The following AXDND1 variants were observed in gnomAD, a reference collection of about 807,000 sequenced individuals.
AXDND1 encodes the protein axonemal dynein light chain domain containing 1.
Under a neutral mutation model 137.5 loss-of-function variants are expected in AXDND1, and 110 were observed. That is an observed-to-expected ratio of 0.80 (90% CI 0.69 to 0.94). The LOEUF is 0.94. Ranked by LOEUF, AXDND1 falls within the 40% of genes least tolerant of loss-of-function variation. The probability of loss-of-function intolerance (pLI) is 0.00; values close to 1 mark genes in which losing one functional copy is unlikely to be tolerated. For synonymous variants in AXDND1, 414 were observed against 399.7 expected (o/e 1.04, Z -0.43); for missense variants, 1,191 against 1,169.8 (o/e 1.02, Z -0.26).
At chr1:179,505,232 G>A (rs1223249934) in intron 20 of AXDND1, among the ~76,000 whole-genome samples, 1 of 152,204 alleles carries the variant, frequency 6.6e-6, no homozygotes, top group African/African-American at 2.4e-5. Flanking sequence ...TGTGTGGCTT[G>A]TGCCACATTC....
intron 25 of AXDND1, chr1:179,548,638 A>G (rs1672864494): frequency 6.6e-6 from 1 of 152,212 alleles, no homozygotes. Flanking sequence ...GCCAAAGAAC[A>G]TTGTAGTGGC....
intron 4 of AXDND1, among the ~76,000 whole-genome samples, chr1:179,378,204 T>C (rs1396797232): frequency 6.6e-6 from 1 of 151,952 alleles, no homozygotes; most frequent in Non-Finnish European, 1.5e-5. Flanking sequence ...AATCACAACA[T>C]GACAGCAATA....
In AXDND1 at chr1:179,402,164, CA is replaced by C. The variant is rs552031518; in HGVS notation, c.1109+6980del. ...CTGGCAACAGAGCGAGACTCCGTCT[CA>C]AAAAAAAAAAAAAAAAATCACCCTG... On this transcript the variant is annotated intron_variant, in intron 11 of 25. Coordinates refer to ENST00000367618, the MANE Select transcript of AXDND1 (RefSeq NM_144696.6). Among the ~76,000 whole-genome samples the C allele has an allele frequency of 3.3e-3, 351 of 107,608 alleles. 2 individuals carry two copies. The highest frequency in any genetic ancestry group is 8.5e-3 in the African/African-American group (240 of 28,306). 70.6% of individuals were successfully genotyped at this position (107,608 alleles called of 152,430 possible).
intron 21 of AXDND1, among the ~76,000 whole-genome samples, chr1:179,519,485 G>A (rs1290526003): frequency 6.6e-6 from 1 of 152,134 alleles, no homozygotes. Flanking sequence ...GAATGGTATT[G>A]CCAAGGTTGT....
At chr1:179,527,918 T>TA (rs1196022822) in intron 22 of AXDND1, among the ~76,000 whole-genome samples, 16 of 152,174 alleles carry the variant, frequency 1.1e-4, no homozygotes, top group African/African-American at 3.9e-4. Context: ...GTTCGGCCTT[T>TA]AAATATCACT....
chr1:179,441,935 G>A (rs993986079), intron 15 of AXDND1, among the ~76,000 whole-genome samples: 1 of 152,208 alleles, frequency 6.6e-6, no homozygotes, highest in African/African-American at 2.4e-5. Context: ...GGTAAAAGAC[G>A]CATAGCACCA....
At chr1:179,485,088 A>C (rs1665873980) in intron 18 of AXDND1, among the ~76,000 whole-genome samples, 1 of 152,202 alleles carries the variant, frequency 6.6e-6, no homozygotes, top group Middle Eastern at 3.2e-3. Flanking sequence ...GTGAACATGC[A>C]CAGGGACATT....
chr1:179,501,701 CTG>C (rs1441688080), intron 20 of AXDND1, among the ~76,000 whole-genome samples: 1 of 152,038 alleles, frequency 6.6e-6, no homozygotes, highest in African/African-American at 2.4e-5. Flanking sequence ...CAGAGTGAGA[CTG>C]TGTCTTAAAA....
intron 17 of AXDND1, among the ~76,000 whole-genome samples, chr1:179,470,469 ATCT>A (rs1295721128): frequency 6.6e-6 from 1 of 152,106 alleles, no homozygotes; most frequent in Non-Finnish European, 1.5e-5. Context: ...AATTATTTGG[ATCT>A]TCTTTAATTT....
Position 179,491,590 on chromosome 1 carries a change from T to G in AXDND1, c.2144T>G (p.Leu715Ter), listed in dbSNP as rs1666902994. 1 of 1,613,440 alleles carries G rather than the reference T, an allele frequency of 6.2e-7. No homozygotes were observed. The highest frequency in any genetic ancestry group is 2.2e-5 in the East Asian group (1 of 44,874). ...MIQWMVNLLI[L>*]MIPNFTDQDC... is the part of the protein sequence containing the mutation. ...CAGTGGATGGTAAACTTGCTGATTT[T>G]AATGATACCCAACTTTACTGACCAA... The change falls in exon 19 of 26, where the codon TTA becomes TGA. Residue 715 changes from leucine to a stop codon, truncating the protein, a stop_gained. Coordinates refer to ENST00000367618, the MANE Select transcript of AXDND1 (RefSeq NM_144696.6). LOFTEE classifies it high-confidence loss of function.
At chr1:179,467,238 T>C (rs1663324485) in intron 16 of AXDND1, among the ~76,000 whole-genome samples, 1 of 152,196 alleles carries the variant, frequency 6.6e-6, no homozygotes, top group Non-Finnish European at 1.5e-5. Context: ...ACTGGCACAA[T>C]TGTTCAATTT....
intron 9 of AXDND1, among the ~76,000 whole-genome samples, chr1:179,390,682 G>C (rs571187228): frequency 2.8e-5 from 1 of 35,380 alleles, no homozygotes; most frequent in South Asian, 7.1e-4. Flanking sequence ...CAAATAATTA[G>C]GGCTCTACAA....
intron 6 of AXDND1, among the ~76,000 whole-genome samples, chr1:179,379,900 A>G (rs1258168187): frequency 6.6e-6 from 1 of 152,096 alleles, no homozygotes; most frequent in Non-Finnish European, 1.5e-5. Context: ...ATTCCTGAGC[A>G]ATATATAAAC....
intron 23 of AXDND1, among the ~76,000 whole-genome samples, chr1:179,531,660 A>G (rs1255430213): frequency 6.6e-6 from 1 of 152,146 alleles, no homozygotes; most frequent in Non-Finnish European, 1.5e-5. Flanking sequence ...AGCTGATAGG[A>G]GCACCCAGTC....
At chr1:179,496,630 G>A (rs144731205) in intron 20 of AXDND1, among the ~76,000 whole-genome samples, 1 of 151,756 alleles carries the variant, frequency 6.6e-6, no homozygotes, top group African/African-American at 2.4e-5. Context: ...CAATTTTCTT[G>A]ATCTCAAAGA....
At chr1:179,400,207 T>A (rs1467904052) in intron 11 of AXDND1, among the ~76,000 whole-genome samples, 2 of 152,100 alleles carry the variant, frequency 1.3e-5, no homozygotes, top group East Asian at 3.8e-4. Flanking sequence ...ATAAAAAAAC[T>A]GTGGTGTATA....
At chr1:179,534,690 C>CAG in intron 24 of AXDND1, 40 bp from the exon 25 acceptor site, 1 of 1,532,108 alleles carries the variant, frequency 6.5e-7, no homozygotes, top group Non-Finnish European at 8.7e-7. Flanking sequence ...AATACTTTTT[C>CAG]AACCCTTTCT....
chr1:179,395,760 A>G (rs1650949997), intron 11 of AXDND1, among the ~76,000 whole-genome samples: 1 of 152,232 alleles, frequency 6.6e-6, no homozygotes, highest in South Asian at 2.1e-4. Flanking sequence ...AGACATTCAG[A>G]AAAAGAAAGC....
chr1:179,537,463 G>C (rs987198268), intron 25 of AXDND1, among the ~76,000 whole-genome samples: 3 of 152,162 alleles, frequency 2.0e-5, no homozygotes, highest in African/African-American at 7.2e-5. Flanking sequence ...TGTGGTTTTT[G>C]TCATTGGTTC....
Sources: allele counts gnomAD v4.1 joint callset (sites outside exome capture counted in the v4.1 genomes callset), GRCh38; gene constraint gnomAD v4.1.1; transcripts MANE v1.5; gene names NCBI Gene and HGNC (gene_info 2026-07-23, HGNC 2026-07-21).